Variants in ANKRD26 observed in about 807,000 individuals in gnomAD.
ANKRD26 encodes the protein ankyrin repeat domain 26.
A neutral mutation model predicts 208.7 loss-of-function variants in ANKRD26; 141 were observed. That is an observed-to-expected ratio of 0.68 (90% CI 0.59 to 0.78). The LOEUF (loss-of-function observed/expected upper bound fraction) is 0.78, where lower values mean the gene tolerates loss of function less well. ANKRD26 is among the 30% of genes least tolerant of loss of function. ANKRD26 has a pLI of 0.00. For synonymous variants in ANKRD26, 636 were observed against 660.4 expected (o/e 0.96, Z 0.57); for missense variants, 1,889 against 1,938.7 (o/e 0.97, Z 0.48).
In ANKRD26 at chr10:27,100,339, C is replaced by T. The variant is rs2056610661; in HGVS notation, c.-13G>A. The T allele has an allele frequency of 1.2e-6, 2 of 1,605,150 alleles. No homozygotes were observed. Among genetic ancestry groups the T allele is most frequent in the African/African-American group, 1.3e-5 (1 of 74,868 alleles). Reference sequence around the variant, plus strand: ...AAATCTTCTTCATGGCCCAGGCGACCGGGCTTCAGAGACACCTCATGTCTC... The same window carrying T: ...AAATCTTCTTCATGGCCCAGGCGACTGGGCTTCAGAGACACCTCATGTCTC... On this transcript the variant is annotated 5_prime_UTR_variant, in exon 1 of 34. Transcript: ENST00000376087.
downstream of ANKRD26, among the ~76,000 whole-genome samples, chr10:26,973,701 T>C (rs1280587785): frequency 8.0e-6 from 1 of 125,622 alleles, no homozygotes; most frequent in Non-Finnish European, 1.6e-5. Context: ...TCAACTAGGC[T>C]GGAGTGCAGT....
chr10:27,040,021 T>C lies in ANKRD26; in HGVS notation c.2319A>G (p.Ile773Met), dbSNP rs1236245418. ...CTTTTTGATGCTCTAACTGTGATTT[T>C]ATTTCTTTTGTTTCAGATAGCTCCC... ...LQRELSETKE[I>M]KSQLEHQKVE... The change falls in exon 21 of 34, where the codon ATA becomes ATG. Residue 773 changes from isoleucine (I) to methionine (M), a missense_variant. Ile to Met is a conservative substitution (Grantham distance 10). Coordinates refer to ENST00000376087, the MANE Select transcript of ANKRD26 (RefSeq NM_014915.3). The C allele has an allele frequency of 1.2e-6, 2 of 1,613,826 alleles. No homozygotes were observed. Among genetic ancestry groups the C allele is most frequent in the Non-Finnish European group, 1.7e-6 (2 of 1,179,912 alleles).
intron 4 of ANKRD26, among the ~76,000 whole-genome samples, chr10:27,090,600 G>C (rs2056269332): frequency 6.6e-6 from 1 of 151,944 alleles, no homozygotes; most frequent in Non-Finnish European, 1.5e-5. Context: ...CTAAAAGGAA[G>C]GGACAAAAAA....
chr10:27,052,078 T>C, intron 16 of ANKRD26: 1 of 985,392 alleles, frequency 1.0e-6, no homozygotes, highest in Non-Finnish European at 1.2e-6. Context: ...AGTGGACGAT[T>C]AATTTGCTTG....
chr10:27,095,723 T>C (rs1462711322), intron 1 of ANKRD26, among the ~76,000 whole-genome samples: 1 of 152,184 alleles, frequency 6.6e-6, no homozygotes, highest in Non-Finnish European at 1.5e-5. Flanking sequence ...ATTGCCCTAA[T>C]AGTCTAATTT....
rs3818634 is a variant in ANKRD26 at position 27,014,820 on chromosome 10, G to T, written c.4507-109C>A. The T allele has an allele frequency of 0.097, 80,729 of 832,438 alleles. 4,986 individuals carry two copies. The highest frequency in any genetic ancestry group is 0.27 in the East Asian group (10,008 of 37,350). 51.6% of individuals were successfully genotyped at this position (832,438 alleles called of 1,614,324 possible). On this transcript the variant is annotated intron_variant, in intron 30 of 33. Transcript: ENST00000376087. ...TTGTTTTTAACCCAAACTCCAAAAA[G>T]AGAAAGATCTCTGTGCCAGCAGGCA... is the stretch of plus-strand genomic sequence containing the variant.
At position 27,100,479 on chromosome 10, in the gene ANKRD26, C is replaced by T. The variant is rs2056616450; in HGVS notation, c.-153G>A. 3.4e-6 allele frequency: 4 copies of T among 1,188,744 alleles called. No individual in the cohort carries two copies. Among genetic ancestry groups the T allele is most frequent in the South Asian group, 1.5e-5 (1 of 65,002 alleles). The allele number at this position is 1,188,744 out of a possible 1,614,324, so 73.6% of individuals were successfully genotyped here. A position where few individuals can be genotyped will look rare whatever the true frequency, so the allele number is the denominator to read the frequency against. The stretch of plus-strand genomic sequence containing the variant: ...CTCTCCCTCCGGGTTACCAAGCAAG[C>T]GATCCCGCTAGACACAAGTGCGCAT... On this transcript the variant is annotated 5_prime_UTR_variant, in exon 1 of 34. Coordinates refer to ENST00000376087, the MANE Select transcript of ANKRD26 (RefSeq NM_014915.3).
At chr10:27,059,413 G>C (rs2135432824) in intron 15 of ANKRD26, among the ~76,000 whole-genome samples, 1 of 152,244 alleles carries the variant, frequency 6.6e-6, no homozygotes, top group African/African-American at 2.4e-5. Context: ...AAAATTCTAG[G>C]ACATGTAAAC....
intron 4 of ANKRD26, among the ~76,000 whole-genome samples, chr10:26,995,329 C>G (rs1195985488): frequency 6.6e-6 from 1 of 152,188 alleles, no homozygotes; most frequent in East Asian, 1.9e-4. Context: ...ATTTCTTCAA[C>G]AGACTTGTAT....
downstream of ANKRD26, among the ~76,000 whole-genome samples, chr10:26,989,460 G>A (rs1043519147): frequency 1.2e-4 from 18 of 152,108 alleles, no homozygotes; most frequent in African/African-American, 4.3e-4. Flanking sequence ...GGGCATTAAG[G>A]ATGTTGAGAA....
intron 6 of ANKRD26, chr10:27,080,903 T>C (rs1193703319): frequency 2.0e-6 from 2 of 985,224 alleles, no homozygotes; most frequent in Non-Finnish European, 2.4e-6. Context: ...CTACCCTACA[T>C]GTCCATGAGA....
the ANKRD26 span, among the ~76,000 whole-genome samples, chr10:26,947,770 C>T: frequency 6.6e-6 from 1 of 152,080 alleles, no homozygotes; most frequent in Non-Finnish European, 1.5e-5. Flanking sequence ...TCTCTTAATG[C>T]AGTAAAGGGA....
downstream of ANKRD26, among the ~76,000 whole-genome samples, chr10:26,986,970 C>T (rs1018582676): frequency 5.3e-5 from 8 of 152,230 alleles, no homozygotes; most frequent in African/African-American, 1.9e-4. Flanking sequence ...GCTATAGAGA[C>T]ACATGCACAT....
rs142648161 is a variant in ANKRD26 at position 27,087,164 on chromosome 10, A to G, written c.639-555T>C. 1.5e-4 allele frequency among the ~76,000 whole-genome samples: 23 copies of G among 152,290 alleles called. No homozygotes were observed. The East Asian group carries it at 4.2e-3, about 28-fold the overall frequency. The stretch of plus-strand genomic sequence containing the variant: ...CAGTGGAGCTCAGCAAATTAACTAG[A>G]GTTAGCTTGACATAATGGAAAGTGT... On this transcript the variant is annotated intron_variant, in intron 4 of 33. Coordinates refer to ENST00000376087, the MANE Select transcript of ANKRD26 (RefSeq NM_014915.3).
At chr10:27,082,619 G>A (rs1334876413) in intron 6 of ANKRD26, among the ~76,000 whole-genome samples, 184 bp downstream of exon 6, 3 of 152,090 alleles carry the variant, frequency 2.0e-5, no homozygotes, top group African/African-American at 7.2e-5. Flanking sequence ...GAGGTCATGG[G>A]CCAATTAATC....
chr10:27,030,405 G>A, intron 25 of ANKRD26: 2 of 985,396 alleles, frequency 2.0e-6, no homozygotes, highest in Non-Finnish European at 2.4e-6. Flanking sequence ...GGCCATCAGA[G>A]CACTGGACTG....
intron 9 of ANKRD26, among the ~76,000 whole-genome samples, chr10:27,068,035 T>G (rs2055330130): frequency 6.6e-6 from 1 of 152,138 alleles, no homozygotes; most frequent in African/African-American, 2.4e-5. Context: ...GAACAGTAAG[T>G]TCCACCTGGG....
At chr10:26,955,255 C>G in the ANKRD26 span, among the ~76,000 whole-genome samples, 100 of 151,766 alleles carry the variant, frequency 6.6e-4, no homozygotes, top group African/African-American at 2.3e-3. Context: ...ATGGTGAAAC[C>G]CCATCTCTAC....
At chr10:27,098,852 T>C (rs1388944229) in intron 1 of ANKRD26, among the ~76,000 whole-genome samples, 1 of 151,272 alleles carries the variant, frequency 6.6e-6, no homozygotes, top group African/African-American at 2.4e-5. Context: ...CCTGGCCAAA[T>C]TTTACCACGT....
Sources: allele counts gnomAD v4.1 joint callset (sites outside exome capture counted in the v4.1 genomes callset), GRCh38; gene constraint gnomAD v4.1.1; transcripts MANE v1.5; gene names NCBI Gene and HGNC (gene_info 2026-07-23, HGNC 2026-07-21).